CEP104: variants seen among roughly 807,000 people sequenced by gnomAD.
CEP104 encodes the protein centrosomal protein 104.
In CEP104, 84 loss-of-function variants were observed where a neutral mutation model predicts 113.3. The observed-to-expected ratio is 0.74, with a 90% CI of 0.62 to 0.89. The LOEUF is 0.89. Among genes scored for constraint, CEP104 ranks in the 40% least tolerant of loss-of-function variants. The probability of loss-of-function intolerance (pLI) is 0.00; values close to 1 mark genes in which losing one functional copy is unlikely to be tolerated. For synonymous variants in CEP104, 378 were observed against 421.7 expected, an observed-to-expected ratio of 0.90 and a Z score of 1.27; for missense variants, 1,053 against 1,156.6, an observed-to-expected ratio of 0.91 and a Z score of 1.30.
chr1:3,855,890 C>T, intron 1 of CEP104: 2 of 985,320 alleles, frequency 2.0e-6, no homozygotes, highest in Non-Finnish European at 2.4e-6. Context: ...CATGAGGGAT[C>T]CCTGTTGTCC....
chr1:3,815,783 G>T (rs942532002), intron 21 of CEP104, among the ~76,000 whole-genome samples: 3 of 152,104 alleles, frequency 2.0e-5, no homozygotes, highest in African/African-American at 7.2e-5. Context: ...CCACCTCCCG[G>T]GTTCAAGCAA....
Position 3,838,986 on chromosome 1 carries a change from T to C in CEP104, c.869A>G (p.His290Arg), listed in dbSNP as rs756229248. ...CACCAGCTCGGCATCCAGGAGGCTGTGCAGCTCCAGCTGCTCGTACACCTC... is the reference window on the plus strand; with the variant it reads ...CACCAGCTCGGCATCCAGGAGGCTGCGCAGCTCCAGCTGCTCGTACACCTC... ...RAEVYEQLELHSLLDAELMRR... is the reference protein window; with the variant it reads ...RAEVYEQLELRSLLDAELMRR... The change falls in exon 8 of 22, where the codon CAC becomes CGC. Residue 290 changes from histidine (H) to arginine (R), a missense_variant. His to Arg is a conservative substitution (Grantham distance 29, BLOSUM62 0). Coordinates refer to ENST00000378230, the MANE Select transcript of CEP104 (RefSeq NM_014704.4). 3 of 1,614,174 alleles carry C rather than the reference T, an allele frequency of 1.9e-6. No homozygotes were observed. Among genetic ancestry groups the C allele is most frequent in the Non-Finnish European group, 2.5e-6 (3 of 1,180,028 alleles).
Position 3,815,079 on chromosome 1 carries a change from C to A in CEP104, c.*323G>T. 1 of 246,224 alleles carries A rather than the reference C, an allele frequency of 4.1e-6. No individual in the cohort carries two copies. The allele number at this position is 246,224 out of a possible 1,614,324, so 15.3% of individuals were successfully genotyped here. A position where few individuals can be genotyped will look rare whatever the true frequency, so the allele number is the denominator to read the frequency against. On this transcript the variant is annotated 3_prime_UTR_variant, in exon 22 of 22. Transcript: ENST00000378230. The stretch of plus-strand genomic sequence containing the variant: ...TGCCTGTGCTGACCGTGGCCTTGCG[C>A]GAGCGCCTCCCGGCGGTGCTCTCTG...
rs1644024068 is a variant in CEP104 at position 3,823,561 on chromosome 1, A to C, written c.2366T>G (p.Val789Gly). ...CTCCGTCAGACTGGATATCTCGACC[A>C]CCTGGATTTCGAAATACAGAGCAAA... Reference protein sequence around the residue: ...MLTRCDHCKQVVEISSLTEHL... With the variant: ...MLTRCDHCKQGVEISSLTEHL... The change falls in exon 19 of 22, where the codon GTG (valine) becomes GGG (glycine). Residue 789 changes from valine (V) to glycine (G), a missense_variant and splice_region_variant. Physicochemically the swap from Val to Gly is moderately radical, Grantham distance 109 (BLOSUM62 -3). Transcript: ENST00000378230. This position sits in a 1 kb window ranked among gnomAD's most constrained non-coding sequence, Gnocchi z 4.1. 1 of 1,614,184 alleles carries C rather than the reference A, an allele frequency of 6.2e-7. No homozygotes were observed. The highest frequency in any genetic ancestry group is 8.5e-7 in the Non-Finnish European group (1 of 1,180,042).
chr1:3,845,504 T>G (rs1230940355), intron 4 of CEP104, among the ~76,000 whole-genome samples, 153 bp from the exon 5 acceptor site: 2 of 152,088 alleles, frequency 1.3e-5, no homozygotes, highest in Non-Finnish European at 2.9e-5. Flanking sequence ...CCTCCCGGGC[T>G]CAAGGGATCC....
rs929896052 is a variant in CEP104 at position 3,815,400 on chromosome 1, C to T, written c.*2G>A. 6.2e-6 allele frequency: 10 copies of T among 1,602,936 alleles called. No homozygotes were observed. Among genetic ancestry groups the T allele is most frequent in the African/African-American group, 4.0e-5 (3 of 74,802 alleles). ...CAGAGACCAAGGAGCCCGAGCGCCG[C>T]GTCAGCGCTTGGCGTACGTCCTGCT... is the stretch of plus-strand genomic sequence containing the variant. On this transcript the variant is annotated 3_prime_UTR_variant, in exon 22 of 22. Transcript: ENST00000378230.
intron 20 of CEP104, chr1:3,822,656 C>A (rs765291457): frequency 6.5e-6 from 1 of 153,346 alleles, no homozygotes; most frequent in South Asian, 2.0e-4. Context: ...CCAGAGGAGC[C>A]GAGCACGTGG....
chr1:3,845,984 CAGG>C (rs1233568995), intron 4 of CEP104, among the ~76,000 whole-genome samples: 7 of 147,740 alleles, frequency 4.7e-5, no homozygotes, highest in Non-Finnish European at 8.9e-5. Flanking sequence ...GAGGCTGAGG[CAGG>C]AGAATTGTTT....
At position 3,823,439 on chromosome 1, in the gene CEP104, GT is replaced by G; in HGVS notation, c.2487del (p.Lys829AsnfsTer35). 1 of 1,614,240 alleles carries G rather than the reference GT, an allele frequency of 6.2e-7. No homozygotes were observed. Among genetic ancestry groups the G allele is most frequent in the Non-Finnish European group, 8.5e-7 (1 of 1,180,052 alleles). The stretch of plus-strand genomic sequence containing the variant: ...GGGCACTCACGGTTGCAATCCTTGT[GT>G]TTTATGTGTCTGGGCAGCTCTTCCT... ...VFKEELPRHI[K>X]HKDCNPAKPE... On this transcript the variant is annotated frameshift_variant, in exon 19 of 22. Transcript: ENST00000378230. LOFTEE classifies it high-confidence loss of function. This position sits in a 1 kb window ranked among gnomAD's most constrained non-coding sequence, Gnocchi z 4.1.
chr1:3,839,814 C>A (rs55772418), intron 6 of CEP104, 38 bp from the exon 7 acceptor site: 5 of 1,564,648 alleles, frequency 3.2e-6, no homozygotes, highest in Non-Finnish European at 4.4e-6. Flanking sequence ...GATAATTTCA[C>A]GCCCTAGGAG....
rs766917872 is a variant in CEP104 at position 3,852,381 on chromosome 1, G to A, written c.27C>T (p.Val9=). MPHKIGFV[V]VSSSGHEDGF... is the part of the protein sequence containing the mutation. ...CGTCTTCGTGTCCAGATGAGCTGAC[G>A]ACTACAAATCCAATCTTGTGGGGCA... Residue 9 remains valine (V), a synonymous_variant, in exon 2 of 22, where the codon GTC becomes GTT. Coordinates refer to ENST00000378230, the MANE Select transcript of CEP104 (RefSeq NM_014704.4). 10 of 1,613,964 alleles carry A rather than the reference G, an allele frequency of 6.2e-6. No homozygotes were observed. The highest frequency in any genetic ancestry group is 5.0e-5 in the Admixed American group (3 of 59,988).
rs766405628 is a variant in CEP104 at position 3,815,355 on chromosome 1, G to A, written c.*47C>T. ...TTCTGGAGAGATGGTGTAGAATCAGGAGACCCGCTCCATCCCTCACAGAGA... is the reference window on the plus strand; with the variant it reads ...TTCTGGAGAGATGGTGTAGAATCAGAAGACCCGCTCCATCCCTCACAGAGA... On this transcript the variant is annotated 3_prime_UTR_variant, in exon 22 of 22. Transcript: ENST00000378230. 7.2e-7 allele frequency: 1 copy of A among 1,382,490 alleles called. No homozygotes were observed. The highest frequency in any genetic ancestry group is 1.0e-6 in the Non-Finnish European group (1 of 994,456). 85.6% of individuals were successfully genotyped at this position (1,382,490 alleles called of 1,614,324 possible).
Position 3,836,668 on chromosome 1 carries a change from G to A in CEP104, c.1144C>T (p.Arg382Trp), listed in dbSNP as rs374824835. The change falls in exon 10 of 22, where the codon CGG becomes TGG. Residue 382 changes from arginine to tryptophan, a missense_variant. By Grantham distance (101) the Arg-to-Trp change is moderately radical. Coordinates refer to ENST00000378230, the MANE Select transcript of CEP104 (RefSeq NM_014704.4). ...INAESLPYDE[R>W]PLPAIRKHYG... ...TGCTTACGAATAGCTGGAAGAGGCC[G>A]CTCATCGTAGGGCAGGGACTCTGCC... 10 of 1,613,480 alleles carry A rather than the reference G, an allele frequency of 6.2e-6. No individual in the cohort carries two copies. Among genetic ancestry groups the A allele is most frequent in the East Asian group, 2.2e-5 (1 of 44,874 alleles).
intron 4 of CEP104, among the ~76,000 whole-genome samples, chr1:3,845,925 T>TA (rs1488849117): frequency 6.6e-6 from 1 of 151,846 alleles, no homozygotes; most frequent in Non-Finnish European, 1.5e-5. Context: ...CCGTCTCTAC[T>TA]AAAAATACAA....
chr1:3,846,054 A>G (rs982348235), intron 4 of CEP104, among the ~76,000 whole-genome samples: 3 of 144,442 alleles, frequency 2.1e-5, no homozygotes, highest in Admixed American at 1.4e-4. Flanking sequence ...ACTCCAGCCT[A>G]GGCAACAAGA....
intron 4 of CEP104, among the ~76,000 whole-genome samples, chr1:3,846,737 A>G (rs1429732826): frequency 6.6e-6 from 1 of 152,054 alleles, no homozygotes; most frequent in Non-Finnish European, 1.5e-5. Context: ...TGTCCAGCTC[A>G]CCCGCTTGGT....
Position 3,823,143 on chromosome 1 carries a change from T to C in CEP104, c.2571+31A>G. 1 of 1,608,440 alleles carries C rather than the reference T, an allele frequency of 6.2e-7. No individual in the cohort carries two copies. Among genetic ancestry groups the C allele is most frequent in the East Asian group, 2.2e-5 (1 of 44,852 alleles). On this transcript the variant is annotated intron_variant, in intron 20 of 21. Coordinates refer to ENST00000378230, the MANE Select transcript of CEP104 (RefSeq NM_014704.4). The surrounding 1 kb of genome is among the most constrained non-coding windows in gnomAD (Gnocchi z 4.1). ...TGCCATCCACAGGTGTGTCACCTACTTCACTGGTCCCTTCTCCCCAGGCCC... is the reference window on the plus strand; with the variant it reads ...TGCCATCCACAGGTGTGTCACCTACCTCACTGGTCCCTTCTCCCCAGGCCC...
At chr1:3,817,152 G>A (rs1422903639) in intron 20 of CEP104, among the ~76,000 whole-genome samples, 2 of 152,164 alleles carry the variant, frequency 1.3e-5, no homozygotes, top group East Asian at 1.9e-4. Flanking sequence ...CCAGCTTGGT[G>A]AAACCCCGTC....
chr1:3,849,298 C>T (rs988429436), intron 2 of CEP104, among the ~76,000 whole-genome samples: 8 of 147,822 alleles, frequency 5.4e-5, no homozygotes, highest in Non-Finnish European at 1.5e-5. Flanking sequence ...GAAAAGGTCT[C>T]GCTCTGTCAC....
Sources: gnomAD v4.1 joint callset for allele counts (sites outside exome capture counted in the v4.1 genomes callset) on GRCh38, gnomAD v4.1.1 for gene constraint, Gnocchi (gnomAD v3.1) non-coding constraint, MANE v1.5 for transcripts, NCBI Gene and HGNC (gene_info 2026-07-23, HGNC 2026-07-21) for gene names.